BCORL1: variants seen among roughly 807,000 people sequenced by gnomAD.
The protein encoded by BCORL1 is BCL-6 corepressor-like protein 1.
A neutral mutation model predicts 87.6 loss-of-function variants in BCORL1; 7 were observed. The observed-to-expected ratio is 0.08, with a 90% CI of 0.05 to 0.15. The LOEUF (loss-of-function observed/expected upper bound fraction) is 0.15, where lower values mean the gene tolerates loss of function less well. Ranked by LOEUF, BCORL1 falls within the 10% of genes least tolerant of loss-of-function variation. The pLI, the probability that BCORL1 is intolerant of heterozygous loss-of-function variation, is 1.00. For synonymous variants in BCORL1, 591 were observed against 634.4 expected (o/e 0.93, Z 1.03); for missense variants, 1,215 against 1,499.7 (o/e 0.81, Z 3.13).
rs1930404897 is a variant in BCORL1 at position 130,028,879 on chromosome X, G to GGTA, written c.4305+19_4305+21dup. 9.2e-7 allele frequency: 1 copy of GGTA among 1,090,366 alleles called. No individual in the cohort carries two copies. 89.9% of individuals were successfully genotyped at this position (1,090,366 alleles called of 1,213,427 possible). The stretch of plus-strand genomic sequence containing the variant: ...AGGCAAAGGTGTGTAGCTATCAAGG[G>GGTA]GTATTGTAGAAGGTGTGTGTGGCGG... On this transcript the variant is annotated intron_variant, in intron 8 of 13. Coordinates refer to ENST00000540052, the MANE Select transcript of BCORL1 (RefSeq NM_001379451.1).
intron 1 of BCORL1, among the ~76,000 whole-genome samples, chrX:130,000,376 T>C (rs1353868468): frequency 8.9e-6 from 1 of 112,534 alleles, no homozygotes; most frequent in Non-Finnish European, 1.9e-5. Flanking sequence ...CAAGATATTC[T>C]GAGAAACAGT....
intron 1 of BCORL1, among the ~76,000 whole-genome samples, chrX:129,989,649 T>C (rs1485973202): frequency 9.6e-6 from 1 of 103,769 alleles, no homozygotes; most frequent in Non-Finnish European, 2.0e-5. Context: ...GTATTTTTAG[T>C]AGAGACGGGG....
At chrX:130,001,664 C>A (rs751899707) in intron 1 of BCORL1, among the ~76,000 whole-genome samples, 3 of 109,665 alleles carry the variant, frequency 2.7e-5, no homozygotes, top group South Asian at 7.8e-4. Flanking sequence ...GCAGAAGAGT[C>A]CTGAAACTGG....
At chrX:130,040,463 C>T (rs1931241141) in intron 11 of BCORL1, among the ~76,000 whole-genome samples, 2 of 112,330 alleles carry the variant, frequency 1.8e-5, no homozygotes, top group Middle Eastern at 4.2e-3. Context: ...TTGACTCCTG[C>T]TCAGCCAGCC....
Position 130,050,151 on chromosome X carries a change from G to A in BCORL1, c.4841-566G>A, listed in dbSNP as rs770279703. Among the ~76,000 whole-genome samples the A allele has an allele frequency of 2.7e-5, 3 of 111,276 alleles. No individual in the cohort carries two copies. The South Asian group carries it at 1.1e-3, about 42-fold the overall frequency. ...CCAATTTAAAAATGTCGGAAGTGGG[G>A]CCAGGCAGGGTGGCTTATGCCTGTA... is the stretch of plus-strand genomic sequence containing the variant. On this transcript the variant is annotated intron_variant, in intron 11 of 13. Transcript: ENST00000540052.
At chrX:130,030,763 C>T (rs1298488026) in intron 8 of BCORL1, among the ~76,000 whole-genome samples, 1 of 110,550 alleles carries the variant, frequency 9.0e-6, no homozygotes, top group Non-Finnish European at 1.9e-5. Context: ...AACCAGCGCT[C>T]GAGATTCAGC....
intron 1 of BCORL1, among the ~76,000 whole-genome samples, chrX:129,985,999 G>A (rs906652484): frequency 2.7e-5 from 3 of 110,751 alleles, no homozygotes; most frequent in Admixed American, 9.6e-5. Context: ...GCAGGTGCCC[G>A]CCACCACGCC....
At chrX:130,032,458 T>C (rs1370910997) in intron 8 of BCORL1, among the ~76,000 whole-genome samples, 2 of 112,235 alleles carry the variant, frequency 1.8e-5, no homozygotes, top group Admixed American at 1.9e-4. Flanking sequence ...GAAACCACAG[T>C]GTCTTTTAGG....
Position 130,013,654 on chromosome X carries a change from G to A in BCORL1, c.882G>A (p.Pro294=), listed in dbSNP as rs200510623. 611 of 1,208,996 alleles carry A rather than the reference G, an allele frequency of 5.1e-4. 1 individual carries two copies. Among genetic ancestry groups the A allele is most frequent in the Middle Eastern group, 6.9e-4 (3 of 4,352 alleles). ...PVPASAPPSG[P]VPLSAPAPAP... is the part of the protein sequence containing the mutation. ...CAGCTTCTGCTCCCCCTTCAGGCCC[G>A]GTTCCCTTGTCGGCTCCAGCTCCTG... Residue 294 remains proline, a synonymous_variant, in exon 4 of 14, where the codon CCG becomes CCA. Transcript: ENST00000540052.
chrX:130,044,789 G>A lies in BCORL1; in HGVS notation c.4840+5507G>A, dbSNP rs778485549. 2.2e-4 allele frequency among the ~76,000 whole-genome samples: 25 copies of A among 112,529 alleles called. No individual in the cohort carries two copies. The East Asian group carries it at 5.0e-3, about 23-fold the overall frequency. On this transcript the variant is annotated intron_variant, in intron 11 of 13. Coordinates refer to ENST00000540052, the MANE Select transcript of BCORL1 (RefSeq NM_001379451.1). ...CTCCCAAAGTGCTGGGATTACAGGCGTGAGCCACCGCGCCCAGCAGTAAAT... is the reference window on the plus strand; with the variant it reads ...CTCCCAAAGTGCTGGGATTACAGGCATGAGCCACCGCGCCCAGCAGTAAAT...
At chrX:130,027,013 G>A (rs1030721695) in intron 7 of BCORL1, among the ~76,000 whole-genome samples, 6 of 113,082 alleles carry the variant, frequency 5.3e-5, no homozygotes, top group Admixed American at 9.3e-5. Flanking sequence ...CTTGACCTGC[G>A]GAGCAGGTAG....
chrX:130,003,136 C>T (rs1928190305), intron 1 of BCORL1, among the ~76,000 whole-genome samples: 1 of 111,500 alleles, frequency 9.0e-6, no homozygotes, highest in Non-Finnish European at 1.9e-5. Context: ...TTGTGGGCAA[C>T]CTCCTGCCTT....
intron 8 of BCORL1, among the ~76,000 whole-genome samples, chrX:130,029,902 G>A (rs1207629333): frequency 9.0e-6 from 1 of 111,145 alleles, no homozygotes; most frequent in East Asian, 2.8e-4. Flanking sequence ...TGATCCGCCC[G>A]CCTTGGCCTC....
At chrX:130,036,756 G>A (rs758008418) in intron 9 of BCORL1, among the ~76,000 whole-genome samples, 7 of 112,322 alleles carry the variant, frequency 6.2e-5, no homozygotes, top group African/African-American at 1.9e-4. Context: ...TCAGGGAGTC[G>A]AGGTCTGAGT....
chrX:130,030,165 G>A (rs761608789), intron 8 of BCORL1, among the ~76,000 whole-genome samples: 14 of 112,261 alleles, frequency 1.2e-4, no homozygotes, highest in Non-Finnish European at 2.4e-4. Flanking sequence ...AACAAAGGAA[G>A]CAATGTCTGT....
intron 11 of BCORL1, among the ~76,000 whole-genome samples, chrX:130,046,513 T>A (rs1931760264): frequency 9.2e-6 from 1 of 108,750 alleles, no homozygotes; most frequent in Non-Finnish European, 1.9e-5. Flanking sequence ...GCCTCCTGAG[T>A]AGCTGGGATT....
At chrX:130,006,802 C>G (rs886443780) in intron 2 of BCORL1, among the ~76,000 whole-genome samples, 1 of 111,275 alleles carries the variant, frequency 9.0e-6, no homozygotes, top group Non-Finnish European at 1.9e-5. Flanking sequence ...GAACTCCTGA[C>G]CTCATGATCC....
chrX:130,055,879 G>A lies in BCORL1; in HGVS notation c.5101G>A (p.Asp1701Asn), dbSNP rs367941726. ...GCCCTGCAACTGGTTCCTCTTTTCC[G>A]ATGTCTTGAAGAGGCTGAAGCTTTC... ...RGPCNWFLFS[D>N]VLKRLKLSSR... Residue 1701 changes from aspartate to asparagine, a missense_variant, in exon 14 of 14, where the codon GAT becomes AAT. Physicochemically the swap from Asp to Asn is conservative, Grantham distance 23. Coordinates refer to ENST00000540052, the MANE Select transcript of BCORL1 (RefSeq NM_001379451.1). 8.3e-6 allele frequency: 10 copies of A among 1,207,450 alleles called. No individual in the cohort carries two copies. The highest frequency in any genetic ancestry group is 1.1e-5 in the Non-Finnish European group (10 of 893,590).
chrX:130,015,240 C>G lies in BCORL1; in HGVS notation c.2468C>G (p.Pro823Arg). Residue 823 changes from proline to arginine, a missense_variant, in exon 4 of 14, where the codon CCT (proline) becomes CGT (arginine). This residue lies in a region of BCORL1 where 861 missense variants were observed against 1,010.0 expected (regional missense o/e 0.85). Transcript: ENST00000540052. ...IYPRCSVNGK[P>R]TSTQVLPVGW... The stretch of plus-strand genomic sequence containing the variant: ...CCCCGGTGTTCAGTCAATGGGAAAC[C>G]TACCAGCACCCAGGTCCTGCCTGTT... 1.3e-5 allele frequency: 16 copies of G among 1,212,132 alleles called. No homozygotes were observed. Among genetic ancestry groups the G allele is most frequent in the Non-Finnish European group, 1.8e-5 (16 of 895,641 alleles).
Sources: gnomAD v4.1 joint callset for allele counts (sites outside exome capture counted in the v4.1 genomes callset) on GRCh38, gnomAD v4.1.1 for gene constraint, gnomAD v4.1.1 regional missense constraint, MANE v1.5 for transcripts, NCBI Gene and HGNC (gene_info 2026-07-23, HGNC 2026-07-21) for gene names.